The following BPIFC variants were observed in gnomAD, a reference collection of about 807,000 sequenced individuals.
BPIFC encodes BPI fold-containing family C protein.
Under a neutral mutation model 57.6 loss-of-function variants are expected in BPIFC, and 60 were observed. The observed-to-expected ratio is 1.04, with a 90% CI of 0.85 to 1.29. BPIFC has a LOEUF of 1.29. Among genes scored for constraint, BPIFC ranks in the 50% most tolerant of loss-of-function variants. BPIFC has a pLI of 0.00. For missense variants in BPIFC, 581 were observed against 600.5 expected (o/e 0.97, Z 0.34); for synonymous variants, 243 against 224.5 (o/e 1.08, Z -0.74).
intron 10 of BPIFC, among the ~76,000 whole-genome samples, chr22:32,434,286 C>T (rs1327748712): frequency 2.0e-5 from 3 of 147,772 alleles, no homozygotes; most frequent in Non-Finnish European, 4.5e-5. Flanking sequence ...ATATATTACA[C>T]TCTATATGTA....
chr22:32,424,555 A>C (rs1021662700), intron 13 of BPIFC, among the ~76,000 whole-genome samples: 7 of 133,750 alleles, frequency 5.2e-5, no homozygotes, highest in African/African-American at 2.0e-4. Context: ...TTATTTCCTA[A>C]ATCTTAAGTG....
chr22:32,433,901 G>C, intron 10 of BPIFC, 129 bp from the exon 11 acceptor site: 2 of 810,412 alleles, frequency 2.5e-6, no homozygotes, highest in Non-Finnish European at 4.1e-6. Flanking sequence ...AGTGTTTAAA[G>C]GTGACCTATC....
At chr22:32,431,439 A>ATTTATTTATTTTTATTTTTT in intron 12 of BPIFC, 25 bp from the exon 13 acceptor site, 1 of 1,343,076 alleles carries the variant, frequency 7.4e-7, no homozygotes, top group Non-Finnish European at 1.1e-6. Flanking sequence ...AGCATTTATT[A>ATTTATTTATTTTTATTTTTT]TTAAGACGAG....
intron 13 of BPIFC, among the ~76,000 whole-genome samples, chr22:32,429,188 T>C (rs997763302): frequency 6.6e-6 from 1 of 151,582 alleles, no homozygotes; most frequent in Non-Finnish European, 1.5e-5. Flanking sequence ...ACATTTTCCA[T>C]GTTTCTTTTC....
chr22:32,440,433 C>T (rs1188361612), intron 8 of BPIFC, among the ~76,000 whole-genome samples: 2 of 152,216 alleles, frequency 1.3e-5, no homozygotes, highest in Non-Finnish European at 2.9e-5. Context: ...TGAGCCACTG[C>T]GCCTGATATT....
intron 1 of BPIFC, among the ~76,000 whole-genome samples, chr22:32,462,168 C>CAAAAAAAAAAAAAAAA (rs35716277): frequency 3.9e-3 from 210 of 53,322 alleles, no homozygotes; most frequent in Non-Finnish European, 4.5e-3. Flanking sequence ...GACTCCATCT[C>CAAAAAAAAAAAAAAAA]AAAAAAAAAA....
intron 11 of BPIFC, 103 bp from the exon 12 acceptor site, chr22:32,432,646 A>G: frequency 1.8e-6 from 2 of 1,101,630 alleles, no homozygotes; most frequent in Non-Finnish European, 1.3e-6. Context: ...TACATTGTGC[A>G]GTTAGAATAG....
intron 8 of BPIFC, among the ~76,000 whole-genome samples, chr22:32,440,440 T>C (rs1568951767): frequency 6.6e-6 from 1 of 152,218 alleles, no homozygotes; most frequent in Non-Finnish European, 1.5e-5. Context: ...CTGCGCCTGA[T>C]ATTTCTTAAT....
chr22:32,420,499 A>AT (rs1933817225), intron 13 of BPIFC, among the ~76,000 whole-genome samples: 1 of 152,154 alleles, frequency 6.6e-6, no homozygotes, highest in Non-Finnish European at 1.5e-5. Context: ...ATCGTTGCAG[A>AT]TAAGGGAAGC....
In BPIFC at chr22:32,432,381, T is replaced by A; in HGVS notation, c.1141A>T (p.Met381Leu). 2 of 1,614,078 alleles carry A rather than the reference T, an allele frequency of 1.2e-6. No individual in the cohort carries two copies. The highest frequency in any genetic ancestry group is 1.7e-6 in the Non-Finnish European group (2 of 1,180,034). Residue 381 changes from methionine to leucine, a missense_variant, in exon 12 of 17, where the codon ATG (methionine) becomes TTG (leucine). By Grantham distance (15) the Met-to-Leu change is conservative. Transcript: ENST00000300399. ...KNSTVETIVS[M>L]DFVASTSVGL... ...TGTCTCCCCAGACTTACGAAGTCCA[T>A]GGAAACGATGGTTTCAACTGTGGAG...
chr22:32,424,788 C>CTTCTT (rs1170619765), intron 13 of BPIFC, among the ~76,000 whole-genome samples: 1 of 125,530 alleles, frequency 8.0e-6, no homozygotes, highest in African/African-American at 3.1e-5. Context: ...TCTTCTTCTT[C>CTTCTT]CTTTTTTTTT....
rs139045156 is a variant in BPIFC at position 32,442,716 on chromosome 22, C to T, written c.610G>A (p.Ala204Thr). ...GCATTTAGCGCTTTGACTTCACTTG[C>T]AATAATGGGACAGAGCTGGCCACAA... ...NLNEMLCPIIASEVKALNANL... is the reference protein window; with the variant it reads ...NLNEMLCPIITSEVKALNANL... Residue 204 changes from alanine (A) to threonine (T), a missense_variant, in exon 8 of 17, where the codon GCA (alanine) becomes ACA (threonine). Transcript: ENST00000300399. 2 of 1,613,800 alleles carry T rather than the reference C, an allele frequency of 1.2e-6. No homozygotes were observed. The highest frequency in any genetic ancestry group is 1.1e-5 in the South Asian group (1 of 90,996).
chr22:32,417,260 C>T (rs1428612534), intron 14 of BPIFC, 112 bp from the exon 15 acceptor site: 7 of 749,762 alleles, frequency 9.3e-6, no homozygotes, highest in African/African-American at 3.6e-5. Flanking sequence ...TCTCCAGCCT[C>T]GAACTCCTGG....
chr22:32,435,566 T>C, intron 10 of BPIFC, 138 bp downstream of exon 10: 4 of 829,714 alleles, frequency 4.8e-6, no homozygotes. Flanking sequence ...AATTCCCTCA[T>C]TCCTTCACTG....
At chr22:32,442,889 C>A (rs1011418538) in intron 7 of BPIFC, among the ~76,000 whole-genome samples, 158 bp from the exon 8 acceptor site, 7 of 152,186 alleles carry the variant, frequency 4.6e-5, no homozygotes, top group Admixed American at 3.9e-4. Context: ...TGTCTATGGG[C>A]CTCGCTTTAC....
At chr22:32,451,980 A>C (rs1452103415) in intron 4 of BPIFC, among the ~76,000 whole-genome samples, 1 of 152,102 alleles carries the variant, frequency 6.6e-6, no homozygotes, top group Non-Finnish European at 1.5e-5. Flanking sequence ...GGATCACTGC[A>C]ACCTTGACCT....
intron 4 of BPIFC, among the ~76,000 whole-genome samples, chr22:32,448,944 A>G (rs1934810819): frequency 6.6e-6 from 1 of 152,170 alleles, no homozygotes; most frequent in Non-Finnish European, 1.5e-5. Flanking sequence ...CTCAAAAAAA[A>G]AAAAAGAAAT....
At chr22:32,437,970 T>C in intron 8 of BPIFC, 119 bp from the exon 9 acceptor site, 5 of 589,592 alleles carry the variant, frequency 8.5e-6, no homozygotes, top group South Asian at 2.7e-5. Flanking sequence ...GATCAATTCC[T>C]GCTTTTCAGA....
intron 1 of BPIFC, among the ~76,000 whole-genome samples, chr22:32,462,213 A>T (rs559726474): frequency 5.3e-3 from 799 of 151,272 alleles, no homozygotes; most frequent in Non-Finnish European, 8.6e-3. Context: ...AAAAGAAAAA[A>T]AAAAGAAAAA....
Sources: gnomAD v4.1 joint callset for allele counts (sites outside exome capture counted in the v4.1 genomes callset) on GRCh38, gnomAD v4.1.1 for gene constraint, MANE v1.5 for transcripts, NCBI Gene and HGNC (gene_info 2026-07-23, HGNC 2026-07-21) for gene names.